SLC27A6: variants seen among roughly 807,000 people sequenced by gnomAD.
SLC27A6 encodes the protein long-chain fatty acid transport protein 6.
A neutral mutation model predicts 63.9 loss-of-function variants in SLC27A6; 74 were observed. That is an observed-to-expected ratio of 1.16 (90% confidence interval 0.96 to 1.40). The LOEUF (loss-of-function observed/expected upper bound fraction) is 1.40. Among genes scored for constraint, SLC27A6 ranks in the 40% most tolerant of loss-of-function variants. The probability of loss-of-function intolerance (pLI) is 0.00; values close to 1 mark genes in which losing one functional copy is unlikely to be tolerated. For synonymous variants in SLC27A6, 287 were observed against 260.8 expected, an observed-to-expected ratio of 1.10 and a Z score of -0.97; for missense variants, 794 against 732.9, an observed-to-expected ratio of 1.08 and a Z score of -0.96.
chr5:129,028,474 C>A, intron 8 of SLC27A6, 32 bp downstream of exon 8: 1 of 1,325,790 alleles, frequency 7.5e-7, no homozygotes, highest in South Asian at 1.3e-5. Context: ...TGGAAAGATT[C>A]TTAGAATAGA....
chr5:129,021,266 G>A (rs972739411), intron 5 of SLC27A6, among the ~76,000 whole-genome samples: 1 of 151,532 alleles, frequency 6.6e-6, no homozygotes, highest in Non-Finnish European at 1.5e-5. Flanking sequence ...CCAGAAGCCA[G>A]GACCTCTTTT....
At chr5:129,019,697 T>C (rs536329086) in intron 5 of SLC27A6, among the ~76,000 whole-genome samples, 1 of 151,896 alleles carries the variant, frequency 6.6e-6, no homozygotes, top group South Asian at 2.1e-4. Context: ...AATGTAAATA[T>C]TACACAAATG....
At chr5:129,002,027 T>A (rs939593940) in intron 4 of SLC27A6, among the ~76,000 whole-genome samples, 1 of 152,190 alleles carries the variant, frequency 6.6e-6, no homozygotes. Flanking sequence ...TTGGTTCAAG[T>A]TGATGTGACT....
rs1294075468 is a variant in SLC27A6 at position 129,014,808 on chromosome 5, G to A, written c.970-1077G>A. On this transcript the variant is annotated intron_variant, in intron 4 of 9. Transcript: ENST00000262462. ...CTTGACACTTTCAGGAACCCTTGTC[G>A]AGTGCTAACCTGCAGGCTTGGATTT... Among the ~76,000 whole-genome samples, 4 of 152,068 alleles carry A rather than the reference G, an allele frequency of 2.6e-5. No individual in the cohort carries two copies. In the South Asian group the frequency reaches 6.2e-4, roughly 24 times the overall value.
intron 4 of SLC27A6, among the ~76,000 whole-genome samples, chr5:129,007,379 G>A (rs1297250429): frequency 2.7e-5 from 4 of 149,134 alleles, no homozygotes; most frequent in Admixed American, 6.7e-5. Flanking sequence ...GGAGGCGGAG[G>A]TTGCAGTGAG....
Position 129,014,571 on chromosome 5 carries a change from T to G in SLC27A6, c.970-1314T>G, listed in dbSNP as rs557521136. On this transcript the variant is annotated intron_variant, in intron 4 of 9. Coordinates refer to ENST00000262462, the MANE Select transcript of SLC27A6 (RefSeq NM_001017372.3). ...TTGGTATGACGTGAAGGACTCTATTTTGTAAAATTAATTTTCACAGTAAGT... is the reference window on the plus strand; with the variant it reads ...TTGGTATGACGTGAAGGACTCTATTGTGTAAAATTAATTTTCACAGTAAGT... Among the ~76,000 whole-genome samples the G allele has an allele frequency of 2.6e-5, 4 of 152,340 alleles. No homozygotes were observed. The South Asian group carries it at 6.2e-4, about 24-fold the overall frequency.
rs116380521 is a variant in SLC27A6 at position 129,011,849 on chromosome 5, C to T, written c.970-4036C>T. Among the ~76,000 whole-genome samples, 17 of 152,126 alleles carry T rather than the reference C, an allele frequency of 1.1e-4. No homozygotes were observed. In the East Asian group the frequency reaches 1.2e-3, roughly 10 times the overall value. ...TCTTGTATGTAAACAAATTTTCTCC[C>T]GGAAGAGGAGGGAGACTTTACTATC... On this transcript the variant is annotated intron_variant, in intron 4 of 9. Transcript: ENST00000262462.
At chr5:128,992,085 C>G (rs796896755) in intron 4 of SLC27A6, among the ~76,000 whole-genome samples, 2 of 150,778 alleles carry the variant, frequency 1.3e-5, no homozygotes, top group Non-Finnish European at 2.9e-5. Context: ...CCACATCAGC[C>G]CCTTCAAGAA....
At chr5:128,977,273 C>T (rs1015996291) in intron 1 of SLC27A6, among the ~76,000 whole-genome samples, 5 of 152,324 alleles carry the variant, frequency 3.3e-5, no homozygotes, top group East Asian at 3.9e-4. Context: ...CAAATTTCCT[C>T]AGTTCAAGAG....
At chr5:129,014,380 A>G (rs1192848784) in intron 4 of SLC27A6, among the ~76,000 whole-genome samples, 6 of 152,188 alleles carry the variant, frequency 3.9e-5, no homozygotes, top group Non-Finnish European at 8.8e-5. Context: ...TGGTGATGGC[A>G]GTGTCTTATG....
chr5:128,996,469 G>T (rs1177713779), intron 4 of SLC27A6, among the ~76,000 whole-genome samples: 1 of 152,130 alleles, frequency 6.6e-6, no homozygotes, highest in East Asian at 1.9e-4. Context: ...GTGTTTTAAA[G>T]TATCAGTGTA....
Position 128,973,366 on chromosome 5 carries a change from C to G in SLC27A6, c.481+6748C>G, listed in dbSNP as rs150242672. 3.9e-3 allele frequency among the ~76,000 whole-genome samples: 593 copies of G among 152,320 alleles called. 8 individuals carry two copies. The highest frequency in any genetic ancestry group is 0.014 in the African/African-American group (574 of 41,574). On this transcript the variant is annotated intron_variant, in intron 1 of 9. Transcript: ENST00000262462. ...CTGCTGCCTTTTATTCAGCTATGCC[C>G]TGCCCCCAGAGGTAGAGTCTACAGA...
chr5:129,010,569 A>G (rs2150147157), intron 4 of SLC27A6, among the ~76,000 whole-genome samples: 1 of 152,340 alleles, frequency 6.6e-6, no homozygotes, highest in South Asian at 2.1e-4. Flanking sequence ...TCAATGTGTC[A>G]TTTGTTGTTC....
rs1580749983 is a variant in SLC27A6, at chr5:129,027,139, C to G, written c.1262C>G (p.Pro421Arg). The change falls in exon 7 of 10, where the codon CCT becomes CGT. Residue 421 changes from proline (P) to arginine (R), a missense_variant. Physicochemically the swap from Pro to Arg is moderately radical, Grantham distance 103. Coordinates refer to ENST00000262462, the MANE Select transcript of SLC27A6 (RefSeq NM_001017372.3). Reference sequence around the variant, plus strand: ...ATGTCGTTCTTTCTTGCAGGAGAACCTGGACTTCTCATTTCTCGAGTGAAT... The same window carrying G: ...ATGTCGTTCTTTCTTGCAGGAGAACGTGGACTTCTCATTTCTCGAGTGAAT... ...GWCIHVKKGE[P>R]GLLISRVNAK... The G allele has an allele frequency of 1.9e-6, 3 of 1,613,030 alleles. No homozygotes were observed. The highest frequency in any genetic ancestry group is 2.2e-5 in the East Asian group (1 of 44,828).
intron 1 of SLC27A6, among the ~76,000 whole-genome samples, chr5:128,971,191 T>A (rs528046704): frequency 9.9e-5 from 15 of 152,160 alleles, no homozygotes; most frequent in African/African-American, 3.1e-4. Context: ...TGTGGTCAAT[T>A]TTGGAATAAG....
At chr5:129,003,936 C>A (rs927270490) in intron 4 of SLC27A6, among the ~76,000 whole-genome samples, 2 of 146,258 alleles carry the variant, frequency 1.4e-5, no homozygotes, top group Admixed American at 1.4e-4. Context: ...CCACTGTACT[C>A]CAGCCTGGGT....
chr5:128,977,387 T>C (rs2577423), intron 1 of SLC27A6, among the ~76,000 whole-genome samples: 54,063 of 151,618 alleles, frequency 0.36, 9,832 homozygotes, highest in Middle Eastern at 0.4. Flanking sequence ...TAAAGACACA[T>C]AGAGCACCTG....
Position 128,968,499 on chromosome 5 carries a change from T to G in SLC27A6, c.481+1881T>G, listed in dbSNP as rs555734021. ...TCTCATTGTGGTTTTGATTTGCATT[T>G]CTCTGATGGCCAGTGATGATGAGCA... On this transcript the variant is annotated intron_variant, in intron 1 of 9. Coordinates refer to ENST00000262462, the MANE Select transcript of SLC27A6 (RefSeq NM_001017372.3). Among the ~76,000 whole-genome samples, 1,480 of 152,328 alleles carry G rather than the reference T, an allele frequency of 9.7e-3. 13 individuals carry two copies. Among genetic ancestry groups the G allele is most frequent in the Non-Finnish European group, 0.017 (1,147 of 68,012 alleles).
chr5:129,013,417 T>C (rs114549689), intron 4 of SLC27A6, among the ~76,000 whole-genome samples: 2,052 of 152,232 alleles, frequency 0.013, 51 homozygotes, highest in African/African-American at 0.047. Context: ...TTTAGCTGAG[T>C]ATAGAATGCT....
Sources: allele counts gnomAD v4.1 joint callset (sites outside exome capture counted in the v4.1 genomes callset), GRCh38; gene constraint gnomAD v4.1.1; transcripts MANE v1.5; gene names NCBI Gene and HGNC (gene_info 2026-07-23, HGNC 2026-07-21).